The following LPAR3 variants were observed in gnomAD, a reference collection of about 807,000 sequenced individuals.
LPAR3 encodes the protein lysophosphatidic acid receptor 3, also known as LPA receptor 3.
LPAR3 carries 7 observed loss-of-function variants against 17.8 expected under a neutral mutation model. The ratio of observed to expected loss-of-function variants is 0.39; its 90% CI spans 0.22 to 0.74. LPAR3 has a LOEUF of 0.74. LPAR3 is among the 30% of genes least tolerant of loss of function. The pLI is 0.40. For missense variants in LPAR3, 391 were observed against 453.4 expected (o/e 0.86, Z 1.25); for synonymous variants, 179 against 179.9 (o/e 0.99, Z 0.04).
intron 1 of LPAR3, among the ~76,000 whole-genome samples, chr1:84,890,017 G>A (rs1246588968): frequency 6.6e-6 from 1 of 152,164 alleles, no homozygotes; most frequent in Non-Finnish European, 1.5e-5. Flanking sequence ...AGAACCCTGT[G>A]CTCCAAGTAC....
At chr1:84,846,556 AAAACTTCATTCC>A (rs1423907438) in intron 2 of LPAR3, among the ~76,000 whole-genome samples, 1 of 152,152 alleles carries the variant, frequency 6.6e-6, no homozygotes, top group Non-Finnish European at 1.5e-5. Flanking sequence ...ATTTTTGGGC[AAAACTTCATTCC>A]ATGCTTCCTC....
At chr1:84,817,663 G>A (rs1015020564) in intron 2 of LPAR3, among the ~76,000 whole-genome samples, 20 of 152,054 alleles carry the variant, frequency 1.3e-4, no homozygotes, top group Non-Finnish European at 2.4e-4. Flanking sequence ...TTGTTCATTG[G>A]AAACAGCATA....
intron 2 of LPAR3, among the ~76,000 whole-genome samples, chr1:84,858,794 C>G (rs968585611): frequency 1.3e-5 from 2 of 152,152 alleles, no homozygotes; most frequent in Non-Finnish European, 2.9e-5. Context: ...GGTGTATACT[C>G]TAGTGCAAAA....
At chr1:84,875,210 A>G (rs1256163263) in intron 1 of LPAR3, among the ~76,000 whole-genome samples, 1 of 152,174 alleles carries the variant, frequency 6.6e-6, no homozygotes, top group African/African-American at 2.4e-5. Flanking sequence ...GAGAATGTCA[A>G]ATTTTAAAGT....
At chr1:84,878,174 A>AT (rs952314919) in intron 1 of LPAR3, among the ~76,000 whole-genome samples, 3 of 152,028 alleles carry the variant, frequency 2.0e-5, no homozygotes, top group Non-Finnish European at 2.9e-5. Flanking sequence ...TCTGACATAA[A>AT]TTTTTTTTAA....
intron 1 of LPAR3, among the ~76,000 whole-genome samples, chr1:84,887,272 G>C: frequency 6.6e-6 from 1 of 152,014 alleles, no homozygotes; most frequent in East Asian, 1.9e-4. Flanking sequence ...AGCAACTTGG[G>C]GGGCTGAGGC....
At chr1:84,819,910 T>G (rs1255723482) in intron 2 of LPAR3, among the ~76,000 whole-genome samples, 1 of 152,174 alleles carries the variant, frequency 6.6e-6, no homozygotes, top group African/African-American at 2.4e-5. Flanking sequence ...TCAACTCCTG[T>G]AGCACTTTCT....
rs1187756554 is a variant in LPAR3, at chr1:84,879,316, C to CTTTTTTTTTTT, written c.-18-13189_-18-13179dup. Among the ~76,000 whole-genome samples the CTTTTTTTTTTT allele has an allele frequency of 7.5e-4, 90 of 120,608 alleles. 4 individuals are homozygous for CTTTTTTTTTTT. The highest frequency in any genetic ancestry group is 2.2e-3 in the African/African-American group (64 of 28,658). 79.1% of individuals were successfully genotyped at this position (120,608 alleles called of 152,430 possible). On this transcript the variant is annotated intron_variant, in intron 1 of 2. Coordinates refer to ENST00000370611, the MANE Select transcript of LPAR3 (RefSeq NM_012152.3). ...TTTTCTTTCTTTTCTTTTCTTTTTT[C>CTTTTTTTTTTT]TTTTTTTTTTTTTGAGATGGAATCT...
At chr1:84,892,691 G>A (rs773682815) in intron 1 of LPAR3, among the ~76,000 whole-genome samples, 52 of 152,254 alleles carry the variant, frequency 3.4e-4, no homozygotes, top group Non-Finnish European at 6.5e-4. Context: ...TGCAAAGGCA[G>A]ACGCAACCCG....
chr1:84,824,483 C>T (rs1411801974), intron 2 of LPAR3, among the ~76,000 whole-genome samples: 21 of 152,122 alleles, frequency 1.4e-4, no homozygotes, highest in Admixed American at 1.3e-3. Context: ...ACCTACTTAT[C>T]CCCATTATAG....
chr1:84,821,759 G>A (rs1659059845), intron 2 of LPAR3, among the ~76,000 whole-genome samples: 2 of 152,206 alleles, frequency 1.3e-5, no homozygotes, highest in Non-Finnish European at 2.9e-5. Flanking sequence ...GAGATGGTCA[G>A]AGAAGCTGTA....
intron 2 of LPAR3, 128 bp from the exon 3 acceptor site, chr1:84,814,299 A>C (rs1214266045): frequency 1.4e-6 from 1 of 703,206 alleles, no homozygotes; most frequent in Non-Finnish European, 2.3e-6. Context: ...ACTGCAAGGC[A>C]AACTTCCACC....
chr1:84,881,589 G>A (rs1660365093), intron 1 of LPAR3, among the ~76,000 whole-genome samples: 1 of 152,170 alleles, frequency 6.6e-6, no homozygotes, highest in Non-Finnish European at 1.5e-5. Context: ...AAGGAATGGT[G>A]ACAAAATCAT....
chr1:84,824,169 G>T (rs1054110873), intron 2 of LPAR3, among the ~76,000 whole-genome samples: 1 of 152,152 alleles, frequency 6.6e-6, no homozygotes, highest in South Asian at 2.1e-4. Context: ...CAACATTCTG[G>T]ACATAACAGA....
At chr1:84,891,993 C>T (rs1660560385) in intron 1 of LPAR3, among the ~76,000 whole-genome samples, 1 of 151,988 alleles carries the variant, frequency 6.6e-6, no homozygotes, top group Admixed American at 6.6e-5. Context: ...GAGGGTGGAT[C>T]ACGAGGTCAA....
intron 2 of LPAR3, among the ~76,000 whole-genome samples, chr1:84,855,105 G>C (rs1022213154): frequency 1.3e-5 from 2 of 152,110 alleles, no homozygotes; most frequent in African/African-American, 4.8e-5. Context: ...CCTTATCCCA[G>C]CTTCTGTGTT....
intron 2 of LPAR3, among the ~76,000 whole-genome samples, chr1:84,829,841 G>A (rs1457845095): frequency 6.6e-6 from 1 of 152,160 alleles, no homozygotes; most frequent in Non-Finnish European, 1.5e-5. Flanking sequence ...TAAGGCAGAG[G>A]ACATAAATAG....
chr1:84,889,880 AT>A (rs1201898426), intron 1 of LPAR3, among the ~76,000 whole-genome samples: 16 of 152,238 alleles, frequency 1.1e-4, no homozygotes, highest in African/African-American at 3.6e-4. Flanking sequence ...AATGGAACTC[AT>A]TAACAATCCA....
chr1:84,845,679 A>C (rs1427205306), intron 2 of LPAR3, among the ~76,000 whole-genome samples: 5 of 152,196 alleles, frequency 3.3e-5, no homozygotes, highest in Admixed American at 6.6e-5. Flanking sequence ...TGCACTCCAA[A>C]TTAGAAATCA....
Sources: gnomAD v4.1 joint callset for allele counts (sites outside exome capture counted in the v4.1 genomes callset) on GRCh38, gnomAD v4.1.1 for gene constraint, MANE v1.5 for transcripts, NCBI Gene and HGNC (gene_info 2026-07-23, HGNC 2026-07-21) for gene names.